The following TGM2 variants were observed in gnomAD, a reference collection of about 807,000 sequenced individuals.
The protein encoded by TGM2 is protein-glutamine gamma-glutamyltransferase 2.
A neutral mutation model predicts 75.6 loss-of-function variants in TGM2; 53 were observed. The ratio of observed to expected loss-of-function variants is 0.70; its 90% CI spans 0.56 to 0.88. The LOEUF (loss-of-function observed/expected upper bound fraction) is 0.88. Among genes scored for constraint, TGM2 ranks in the 40% least tolerant of loss-of-function variants. The pLI is 0.00. For synonymous variants in TGM2, 374 were observed against 381.1 expected (o/e 0.98, Z 0.22); for missense variants, 842 against 928.5 (o/e 0.91, Z 1.21).
At chr20:38,155,075 C>G (rs1050403942) in intron 3 of TGM2, among the ~76,000 whole-genome samples, 7 of 152,148 alleles carry the variant, frequency 4.6e-5, no homozygotes, top group African/African-American at 1.7e-4. Context: ...CATTGCACTC[C>G]AGCCCAGGCA....
chr20:38,151,020 C>T lies in TGM2; in HGVS notation c.471G>A (p.Gln157=), dbSNP rs745359270. Residue 157 remains glutamine (Q), a synonymous_variant, in exon 4 of 13, where the codon CAG becomes CAA. Transcript: ENST00000361475. ...AVYLDSEEER[Q]EYVLTQQGFI... The stretch of plus-strand genomic sequence containing the variant: ...AGCCCTGCTGGGTGAGGACATACTC[C>T]TGCCGCTCCTCTTCCGAGTCCAGGT... The T allele has an allele frequency of 5.0e-6, 8 of 1,614,200 alleles. No homozygotes were observed. The highest frequency in any genetic ancestry group is 5.9e-6 in the Non-Finnish European group (7 of 1,180,034).
chr20:38,159,364 G>A (rs1032270052), intron 2 of TGM2, among the ~76,000 whole-genome samples: 7 of 152,232 alleles, frequency 4.6e-5, no homozygotes, highest in African/African-American at 1.7e-4. Context: ...CTTGAGGGTG[G>A]AGGGTGAGAG....
intron 6 of TGM2, 150 bp from the exon 7 acceptor site, chr20:38,142,349 G>A (rs761805838): frequency 3.9e-5 from 49 of 1,261,212 alleles, no homozygotes; most frequent in Middle Eastern, 4.5e-4. Context: ...GGACAATGGC[G>A]CCCACCTCTC....
chr20:38,161,050 C>T (rs1314241693), intron 2 of TGM2, among the ~76,000 whole-genome samples: 1 of 152,044 alleles, frequency 6.6e-6, no homozygotes, highest in African/African-American at 2.4e-5. Flanking sequence ...GGTGATCCGC[C>T]CTCCTCAGCC....
chr20:38,158,922 G>A (rs573967408), intron 2 of TGM2, among the ~76,000 whole-genome samples: 43 of 152,184 alleles, frequency 2.8e-4, no homozygotes, highest in Admixed American at 1.6e-3. Flanking sequence ...AGGCTTCTCC[G>A]GGCCCCGGGA....
chr20:38,153,361 C>T (rs1053398522), intron 3 of TGM2, among the ~76,000 whole-genome samples: 1 of 151,736 alleles, frequency 6.6e-6, no homozygotes, highest in African/African-American at 2.4e-5. Context: ...TCTGTCTCTA[C>T]TAAAAATACA....
At chr20:38,151,513 TC>T (rs1199930737) in intron 3 of TGM2, among the ~76,000 whole-genome samples, 1 of 152,226 alleles carries the variant, frequency 6.6e-6, no homozygotes, top group African/African-American at 2.4e-5. Flanking sequence ...CTTTGCCTTC[TC>T]TGCCCACCTT....
rs1380739966 is a variant in TGM2, at chr20:38,129,675, G to C, written c.*544C>G. 6.4e-6 allele frequency: 1 copy of C among 156,732 alleles called. No homozygotes were observed. The highest frequency in any genetic ancestry group is 1.4e-5 in the Non-Finnish European group (1 of 70,592). 9.7% of individuals were successfully genotyped at this position (156,732 alleles called of 1,614,324 possible). ...TCACAATGGTGAGGTTGAGGGGGAG[G>C]GCTATTAAGCTTGGGCTGCTGGGAT... is the stretch of plus-strand genomic sequence containing the variant. On this transcript the variant is annotated 3_prime_UTR_variant, in exon 13 of 13. Transcript: ENST00000361475.
At chr20:38,135,420 CACACACACACACAT>C (rs2074887448) in intron 10 of TGM2, among the ~76,000 whole-genome samples, 2 of 151,994 alleles carry the variant, frequency 1.3e-5, no homozygotes, top group African/African-American at 4.8e-5. Flanking sequence ...CACACACACA[CACACACACACACAT>C]ACACACACAC....
intron 10 of TGM2, among the ~76,000 whole-genome samples, chr20:38,137,226 T>G (rs1162725572): frequency 6.6e-6 from 1 of 152,196 alleles, no homozygotes; most frequent in Non-Finnish European, 1.5e-5. Flanking sequence ...GGCTCACACC[T>G]ATAATCCCAG....
chr20:38,162,962 C>T (rs1270574260), intron 1 of TGM2, among the ~76,000 whole-genome samples: 3 of 152,148 alleles, frequency 2.0e-5, no homozygotes. Context: ...TGCTGTGTTG[C>T]TGTGTGAGCC....
chr20:38,160,757 C>T (rs1192689637), intron 2 of TGM2, among the ~76,000 whole-genome samples: 1 of 152,230 alleles, frequency 6.6e-6, no homozygotes, highest in Non-Finnish European at 1.5e-5. Context: ...ATCCCAGTGC[C>T]TGGCTGGGTT....
chr20:38,156,526 G>A (rs2075189671), intron 2 of TGM2, among the ~76,000 whole-genome samples: 1 of 152,230 alleles, frequency 6.6e-6, no homozygotes, highest in Non-Finnish European at 1.5e-5. Context: ...TCCTCTACCT[G>A]CTAGCGTCCC....
chr20:38,163,447 C>G (rs74391795), intron 1 of TGM2, among the ~76,000 whole-genome samples: 1,558 of 152,320 alleles, frequency 0.01, 34 homozygotes, highest in African/African-American at 0.035. Flanking sequence ...CAAAACAACT[C>G]CGCTTACATA....
chr20:38,166,127 C>T (rs1027433989), upstream of TGM2, among the ~76,000 whole-genome samples: 8 of 93,578 alleles, frequency 8.5e-5, no homozygotes, highest in Admixed American at 6.2e-4. Context: ...GACACACCTG[C>T]AAAAACAGAC....
intron 2 of TGM2, among the ~76,000 whole-genome samples, chr20:38,160,369 C>T (rs1013999993): frequency 6.6e-6 from 1 of 152,320 alleles, no homozygotes; most frequent in East Asian, 1.9e-4. Flanking sequence ...AAGAAAATTG[C>T]GCATCACGCA....
rs770205230 is a variant in TGM2 at position 38,130,291 on chromosome 20, C to CAGCT, written c.1988_1991dup (p.Val665AlafsTer93). 2 of 1,612,780 alleles carry CAGCT rather than the reference C, an allele frequency of 1.2e-6. No homozygotes were observed. Among genetic ancestry groups the CAGCT allele is most frequent in the Non-Finnish European group, 1.7e-6 (2 of 1,179,688 alleles). On this transcript the variant is annotated frameshift_variant, in exon 13 of 13. Coordinates refer to ENST00000361475, the MANE Select transcript of TGM2 (RefSeq NM_004613.4). LOFTEE classifies it high-confidence loss of function. ...GCTTGTCGCTCTCGAAGTTCACCAC[C>CAGCT]AGCTTGTGGAGGCCCATGTGGAGCG...
At chr20:38,156,825 C>T (rs73905559) in intron 2 of TGM2, among the ~76,000 whole-genome samples, 155 of 152,342 alleles carry the variant, frequency 1.0e-3, no homozygotes, top group African/African-American at 3.7e-3. Flanking sequence ...GCAAAGCGGT[C>T]TCCCAAGGAT....
Position 38,156,415 on chromosome 20 carries a change from C to T in TGM2, c.191-326G>A, listed in dbSNP as rs377681046. Among the ~76,000 whole-genome samples the T allele has an allele frequency of 3.6e-4, 55 of 152,398 alleles. 2 individuals carry two copies. The Middle Eastern group carries it at 0.01, about 28-fold the overall frequency. ...TCCACTGCTCTGCAATGATGTGACTCGGGACAAGCCCATCCCTCTCTCTGG... is the reference window on the plus strand; with the variant it reads ...TCCACTGCTCTGCAATGATGTGACTTGGGACAAGCCCATCCCTCTCTCTGG... On this transcript the variant is annotated intron_variant, in intron 2 of 12. Transcript: ENST00000361475.
Sources: gnomAD v4.1 joint callset for allele counts (sites outside exome capture counted in the v4.1 genomes callset) on GRCh38, gnomAD v4.1.1 for gene constraint, MANE v1.5 for transcripts, NCBI Gene and HGNC (gene_info 2026-07-23, HGNC 2026-07-21) for gene names.